ZNF593OS: variants seen among roughly 807,000 people sequenced by gnomAD.
ZNF593OS encodes the protein transmembrane protein ZNF593OS.
exon 2 of ZNF593OS, chr1:26,170,909 A>C: frequency 1.4e-6 from 1 of 704,394 alleles, no homozygotes; most frequent in Non-Finnish European, 2.3e-6. Context: ...CCGCTGTCTC[A>C]AACTCCTGCC....
downstream of ZNF593OS, chr1:26,170,077 C>G: frequency 6.4e-7 from 1 of 1,573,468 alleles, no homozygotes; most frequent in Non-Finnish European, 8.6e-7. Context: ...GGATGAGATT[C>G]ACCGCGAGCT....
At chr1:26,170,251 T>C, downstream of ZNF593OS, 3 of 1,576,348 alleles carry the variant, frequency 1.9e-6, no homozygotes, top group Non-Finnish European at 2.6e-6. Flanking sequence ...GATGTGAAGT[T>C]GAAGCCCCAG....
chr1:26,169,921 G>A (rs2088466783), downstream of ZNF593OS: 9 of 1,460,978 alleles, frequency 6.2e-6, no homozygotes, highest in Admixed American at 9.1e-5. Flanking sequence ...CGGCCCGGAA[G>A]TGCTCACACG....
At position 26,171,195 on chromosome 1, in the gene ZNF593OS, G is replaced by GGCCCGTGGCACCCGCCGCT; in HGVS notation, c.167_185dup (p.Pro63AlafsTer22). 2.5e-6 allele frequency: 1 copy of GGCCCGTGGCACCCGCCGCT among 405,948 alleles called. No individual in the cohort carries two copies. The highest frequency in any genetic ancestry group is 4.3e-6 in the Non-Finnish European group (1 of 230,136). The allele number at this position is 405,948 out of a possible 1,614,324, so 25.1% of individuals were successfully genotyped here. On this transcript the variant is annotated frameshift_variant, in exon 2 of 2. Transcript: ENST00000648649. LOFTEE classifies it high-confidence loss of function. The surrounding 1 kb of genome is among the most constrained non-coding windows in gnomAD (Gnocchi z 5.5). ...TGAGAGTCTCTCTTCTTCGTTACGG[G>GGCCCGTGGCACCCGCCGCT]GCCCGTGGCACCCGCCGCTGCCCCA...
At chr1:26,170,156 G>T, downstream of ZNF593OS, 4 of 1,571,654 alleles carry the variant, frequency 2.5e-6, no homozygotes, top group Non-Finnish European at 2.6e-6. Flanking sequence ...CTGCCAGGGG[G>T]CGGTCTGCAC....
downstream of ZNF593OS, chr1:26,169,809 A>G (rs916150425): frequency 8.9e-6 from 6 of 673,658 alleles, no homozygotes; most frequent in African/African-American, 1.9e-5. Flanking sequence ...ACTGACGTCG[A>G]CGGCCGCCTG....
chr1:26,171,573 G>A lies in ZNF593OS; in HGVS notation c.45+44C>T, dbSNP rs2088497581. ...GTCAACCCAGCTATGGTAGGGGGAG[G>A]AAGGGGTCAGTCGTGCCAGAAACCG... On this transcript the variant is annotated intron_variant, in intron 1 of 1. Coordinates refer to ENST00000648649, the Ensembl canonical transcript of ZNF593OS. This position sits in a 1 kb window ranked among gnomAD's most constrained non-coding sequence, Gnocchi z 5.5. 2.5e-6 allele frequency: 1 copy of A among 398,642 alleles called. No homozygotes were observed. Among genetic ancestry groups the A allele is most frequent in the Non-Finnish European group, 4.4e-6 (1 of 226,088 alleles). 24.7% of individuals were successfully genotyped at this position (398,642 alleles called of 1,614,324 possible). A position where few individuals can be genotyped will look rare whatever the true frequency, so the allele number is the denominator to read the frequency against.
chr1:26,170,971 C>T, exon 2 of ZNF593OS: 1 of 582,028 alleles, frequency 1.7e-6, no homozygotes, highest in Non-Finnish European at 3.0e-6. Context: ...GGTGTCTACT[C>T]CCCACTTGGT....
rs567272473 is a variant in ZNF593OS at position 26,171,648 on chromosome 1, C to T, written c.14G>A (p.Arg5His). The change falls in exon 1 of 2, where the codon CGC becomes CAC. Residue 5 changes from arginine (R) to histidine (H), a missense_variant. Physicochemically the swap from Arg to His is conservative, Grantham distance 29. Coordinates refer to ENST00000648649, the Ensembl canonical transcript of ZNF593OS. The surrounding 1 kb of genome is among the most constrained non-coding windows in gnomAD (Gnocchi z 5.5). ...CACCCGGAAGTAACCAGGGGTCAAGCGTCGAAATCGCATGGTGGGCGGCAC... is the reference window on the plus strand; with the variant it reads ...CACCCGGAAGTAACCAGGGGTCAAGTGTCGAAATCGCATGGTGGGCGGCAC... The T allele has an allele frequency of 5.5e-5, 22 of 398,500 alleles. No homozygotes were observed. Among genetic ancestry groups the T allele is most frequent in the East Asian group, 1.1e-4 (3 of 28,088 alleles). 24.7% of individuals were successfully genotyped at this position (398,500 alleles called of 1,614,324 possible). A position where few individuals can be genotyped will look rare whatever the true frequency, so the allele number is the denominator to read the frequency against.
exon 2 of ZNF593OS, chr1:26,170,869 G>A: frequency 1.0e-6 from 1 of 989,582 alleles, no homozygotes; most frequent in Non-Finnish European, 1.4e-6. Context: ...ACTGGACAAA[G>A]AGAACTTGCC....
At chr1:26,169,875 CT>C, downstream of ZNF593OS, 2 of 1,229,794 alleles carry the variant, frequency 1.6e-6, no homozygotes, top group Non-Finnish European at 2.2e-6. Context: ...CCGGCCGAGC[CT>C]GCCTAGCCCC....
downstream of ZNF593OS, chr1:26,170,177 C>T: frequency 1.3e-6 from 2 of 1,572,048 alleles, no homozygotes; most frequent in South Asian, 1.1e-5. Context: ...CGCTGTCTGG[C>T]CTGCGCGTGA....
rs1028682527 is a variant in ZNF593OS, at chr1:26,170,613, A to C, written c.*576T>G. 6.2e-7 allele frequency: 1 copy of C among 1,613,602 alleles called. No homozygotes were observed. ...AGCGTCGAGCCCTACAGTCAGGAAG[A>C]GGCGGAGAGGGCAGCGGGTATGGGA... is the stretch of plus-strand genomic sequence containing the variant. On this transcript the variant is annotated 3_prime_UTR_variant, in exon 2 of 2. Coordinates refer to ENST00000648649, the Ensembl canonical transcript of ZNF593OS.
chr1:26,170,123 C>A, downstream of ZNF593OS: 1 of 1,571,846 alleles, frequency 6.4e-7, no homozygotes, highest in Non-Finnish European at 8.6e-7. Context: ...CAGCCCGACC[C>A]AAACGCCGAG....
At chr1:26,170,379 A>G (rs2232654), downstream of ZNF593OS, 532,190 of 1,594,368 alleles carry the variant, frequency 0.33, 95,341 homozygotes, top group East Asian at 0.67. Flanking sequence ...TTGGGAGACT[A>G]TCACCTCCTC....
At chr1:26,170,771 T>G in exon 2 of ZNF593OS, 1 of 1,571,444 alleles carries the variant, frequency 6.4e-7, no homozygotes, top group Non-Finnish European at 8.6e-7. Flanking sequence ...ACGCAAGGAC[T>G]AGGCTGGGAG....
At chr1:26,170,557 T>G in exon 2 of ZNF593OS, 2 of 1,614,016 alleles carry the variant, frequency 1.2e-6, no homozygotes, top group Non-Finnish European at 1.7e-6. Flanking sequence ...TCCCAACTCC[T>G]GTTTTTCTTT....
chr1:26,169,939 C>T (rs966025374), downstream of ZNF593OS: 5 of 1,504,886 alleles, frequency 3.3e-6, no homozygotes, highest in East Asian at 2.5e-5. Flanking sequence ...ACGTGTGCTC[C>T]CTGCCCTGCT....
At chr1:26,169,895 G>A, downstream of ZNF593OS, 1 of 1,348,772 alleles carries the variant, frequency 7.4e-7, no homozygotes. Context: ...CCCCGGCGTG[G>A]CCTGACGTAG....
Sources: allele counts gnomAD v4.1 joint callset, GRCh38; gene constraint gnomAD v4.1.1; non-coding constraint Gnocchi (gnomAD v3.1); transcripts MANE v1.5; gene names NCBI Gene and HGNC (gene_info 2026-07-23, HGNC 2026-07-21).